Variants in SH3RF2 observed in about 807,000 individuals in gnomAD.
The protein encoded by SH3RF2 is SH3 domain containing ring finger 2.
In SH3RF2, 43 loss-of-function variants were observed where a neutral mutation model predicts 59.0. The observed-to-expected ratio is 0.73, with a 90% confidence interval of 0.57 to 0.94. SH3RF2 has a LOEUF of 0.94. SH3RF2 is among the 40% of genes least tolerant of loss of function. The pLI is 0.00. For synonymous variants in SH3RF2, 391 were observed against 391.5 expected (o/e 1.00, Z 0.01); for missense variants, 930 against 940.1 (o/e 0.99, Z 0.14).
intron 2 of SH3RF2, among the ~76,000 whole-genome samples, chr5:145,969,902 G>A (rs1045140117): frequency 3.9e-5 from 6 of 152,066 alleles, no homozygotes; most frequent in African/African-American, 1.2e-4. Flanking sequence ...TGCTTATGAG[G>A]TAGCCTTGAA....
At chr5:145,998,936 T>C (rs1475882411) in intron 2 of SH3RF2, among the ~76,000 whole-genome samples, 1 of 152,158 alleles carries the variant, frequency 6.6e-6, no homozygotes, top group Non-Finnish European at 1.5e-5. Context: ...AAAAAAGTTG[T>C]GTTTACACTA....
At position 146,002,522 on chromosome 5, in the gene SH3RF2, AAGGAAGG is replaced by A. The variant is rs1158751885; in HGVS notation, c.649-1534_649-1528del. On this transcript the variant is annotated intron_variant, in intron 3 of 9. Transcript: ENST00000359120. Reference sequence around the variant, plus strand: ...GAAGGAAGGAAGGAAGGAAGGAAGGAAGGAAGGAAGGAAGGATAACCTATAAATGCAT... The same window carrying A: ...GAAGGAAGGAAGGAAGGAAGGAAGGAAAGGAAGGATAACCTATAAATGCAT... Among the ~76,000 whole-genome samples, 282 of 150,118 alleles carry A rather than the reference AAGGAAGG, an allele frequency of 1.9e-3. 5 individuals are homozygous for A. Among genetic ancestry groups the A allele is most frequent in the African/African-American group, 6.4e-3 (260 of 40,480 alleles).
intron 5 of SH3RF2, among the ~76,000 whole-genome samples, chr5:146,021,907 T>G (rs773487340): frequency 1.3e-5 from 2 of 152,226 alleles, no homozygotes; most frequent in Non-Finnish European, 2.9e-5. Context: ...ACAAGGTTAT[T>G]GGGAAAATCA....
Position 145,937,824 on chromosome 5 carries a change from C to G in SH3RF2, c.-105C>G. 1.4e-6 allele frequency: 2 copies of G among 1,415,658 alleles called. No individual in the cohort carries two copies. Among genetic ancestry groups the G allele is most frequent in the East Asian group, 4.6e-5 (2 of 43,636 alleles). 87.7% of individuals were successfully genotyped at this position (1,415,658 alleles called of 1,614,324 possible). A position where few individuals can be genotyped will look rare whatever the true frequency, so the allele number is the denominator to read the frequency against. On this transcript the variant is annotated splice_region_variant and 5_prime_UTR_variant, in exon 2 of 10. Coordinates refer to ENST00000359120, the MANE Select transcript of SH3RF2 (RefSeq NM_152550.4). The stretch of plus-strand genomic sequence containing the variant: ...CTCTCCTCTCCCTCCTTCAAGCAGG[C>G]AAAAATTCTGACGTTCTCAAGAGAC...
chr5:146,078,432 A>G (rs1167342248), intron 9 of SH3RF2: 2 of 152,248 alleles, frequency 1.3e-5, no homozygotes, highest in African/African-American at 4.8e-5. Context: ...CGCACACAAC[A>G]GACTCTGAAA....
chr5:145,958,473 G>A (rs1486922513), intron 2 of SH3RF2, among the ~76,000 whole-genome samples: 2 of 152,130 alleles, frequency 1.3e-5, no homozygotes, highest in Non-Finnish European at 2.9e-5. Context: ...CTCTGCTTGA[G>A]GCCTGATCTG....
At chr5:146,064,695 A>G (rs1470542636), downstream of SH3RF2, among the ~76,000 whole-genome samples, 12 of 9,032 alleles carry the variant, frequency 1.3e-3, no homozygotes, top group South Asian at 3.5e-3. Flanking sequence ...AGAAAGAAAG[A>G]AAGAAAGAAA....
chr5:145,979,050 A>C (rs1399482926), intron 2 of SH3RF2, among the ~76,000 whole-genome samples: 2 of 152,196 alleles, frequency 1.3e-5, no homozygotes, highest in Non-Finnish European at 2.9e-5. Flanking sequence ...CTAGAATCTA[A>C]ATTCTGTTGG....
chr5:145,999,623 G>A (rs967999965), intron 2 of SH3RF2, among the ~76,000 whole-genome samples: 5 of 151,824 alleles, frequency 3.3e-5, no homozygotes, highest in African/African-American at 2.4e-5. Context: ...AGAGAATAGG[G>A]AGGCCCAAGG....
intron 2 of SH3RF2, among the ~76,000 whole-genome samples, chr5:145,971,812 C>A (rs1759092938): frequency 6.6e-6 from 1 of 151,734 alleles, no homozygotes; most frequent in Non-Finnish European, 1.5e-5. Flanking sequence ...AGATGAAGCC[C>A]CAAGGTTAAA....
At chr5:145,954,453 A>G (rs761074247) in intron 2 of SH3RF2, among the ~76,000 whole-genome samples, 4 of 152,044 alleles carry the variant, frequency 2.6e-5, no homozygotes, top group Non-Finnish European at 2.9e-5. Context: ...CAAATATTAG[A>G]CCTTTGTCAG....
At chr5:146,036,879 T>C (rs1047665785) in intron 5 of SH3RF2, among the ~76,000 whole-genome samples, 1 of 152,192 alleles carries the variant, frequency 6.6e-6, no homozygotes, top group Admixed American at 6.5e-5. Context: ...TCCATGAGAA[T>C]GGTCAACCTA....
In SH3RF2 at chr5:146,060,067, G is replaced by A; in HGVS notation, c.1757G>A (p.Ser586Asn). The A allele has an allele frequency of 1.2e-6, 2 of 1,613,880 alleles. No individual in the cohort carries two copies. Among genetic ancestry groups the A allele is most frequent in the African/African-American group, 1.3e-5 (1 of 75,002 alleles). ...LTGEPALTCI[S>N]RGSEAWIHSA... ...GGGGAGCCCGCCCTCACGTGCATCA[G>A]CAGGGGCAGTGAGGCCTGGATCCAC... The change falls in exon 9 of 10, where the codon AGC (serine) becomes AAC (asparagine). Residue 586 changes from serine to asparagine, a missense_variant. By Grantham distance (46) the Ser-to-Asn change is conservative (BLOSUM62 1). Transcript: ENST00000359120.
At chr5:146,004,293 CA>C in intron 4 of SH3RF2, 140 bp downstream of exon 4, 1 of 508,366 alleles carries the variant, frequency 2.0e-6, no homozygotes, top group East Asian at 3.8e-5. Flanking sequence ...AGATGCCAGA[CA>C]ATAATACCCA....
intron 2 of SH3RF2, among the ~76,000 whole-genome samples, chr5:145,987,853 T>A (rs58058977): frequency 0.028 from 4,276 of 152,266 alleles, 208 homozygotes; most frequent in African/African-American, 0.098. Context: ...ATTGAGCACT[T>A]ATTATTTTCC....
intron 5 of SH3RF2, among the ~76,000 whole-genome samples, chr5:146,020,447 T>C (rs1182430204): frequency 6.6e-6 from 1 of 152,224 alleles, no homozygotes; most frequent in Non-Finnish European, 1.5e-5. Context: ...ATAATTGCTG[T>C]TCCTTCTGGA....
intron 5 of SH3RF2, among the ~76,000 whole-genome samples, chr5:146,041,700 A>G (rs556949126): frequency 6.6e-6 from 1 of 152,246 alleles, no homozygotes; most frequent in African/African-American, 2.4e-5. Context: ...TGGGAGGCCG[A>G]GGACGTATCA....
At chr5:145,989,848 C>T (rs566796134) in intron 2 of SH3RF2, among the ~76,000 whole-genome samples, 1 of 152,274 alleles carries the variant, frequency 6.6e-6, no homozygotes, top group African/African-American at 2.4e-5. Flanking sequence ...ACTCCACTTA[C>T]ATTCCTTTTC....
Position 146,013,813 on chromosome 5 carries a change from C to A in SH3RF2, c.811C>A (p.Leu271Met), listed in dbSNP as rs1420381739. Residue 271 changes from leucine (L) to methionine (M), a missense_variant, in exon 5 of 10, where the codon CTG (leucine) becomes ATG (methionine). Leu to Met is a conservative substitution (Grantham distance 15). Transcript: ENST00000359120. ...KGRQSSRTKN[L>M]SLVSSSSRGN... ...TCGCCAGTCATCCCGCACAAAAAAC[C>A]TGTCCCTGGTGTCCTCGTCCTCCAG... 1 of 1,614,078 alleles carries A rather than the reference C, an allele frequency of 6.2e-7. No individual in the cohort carries two copies. The highest frequency in any genetic ancestry group is 8.5e-7 in the Non-Finnish European group (1 of 1,180,024).
Sources: allele counts gnomAD v4.1 joint callset (sites outside exome capture counted in the v4.1 genomes callset), GRCh38; gene constraint gnomAD v4.1.1; transcripts MANE v1.5; gene names NCBI Gene and HGNC (gene_info 2026-07-23, HGNC 2026-07-21).